CACNA1G: variants seen among roughly 807,000 people sequenced by gnomAD.
CACNA1G encodes the protein calcium voltage-gated channel subunit alpha1 G.
A neutral mutation model predicts 219.4 loss-of-function variants in CACNA1G; 67 were observed. The ratio of observed to expected loss-of-function variants is 0.31; its 90% CI spans 0.25 to 0.37. The LOEUF is 0.37. Among genes scored for constraint, CACNA1G ranks in the 10% least tolerant of loss-of-function variants. The probability of loss-of-function intolerance (pLI) is 1.00; values close to 1 mark genes in which losing one functional copy is unlikely to be tolerated. For missense variants in CACNA1G, 2,380 were observed against 3,231.4 expected (o/e 0.74, Z 6.39); for synonymous variants, 1,296 against 1,345.3 (o/e 0.96, Z 0.80).
chr17:50,623,344 T>G (rs1413347391), intron 35 of CACNA1G, among the ~76,000 whole-genome samples: 1 of 132,622 alleles, frequency 7.5e-6, no homozygotes, highest in African/African-American at 2.9e-5. Flanking sequence ...ACTCCTGAGC[T>G]CAAGCGATCT....
At chr17:50,602,933 G>C (rs2047060534) in intron 20 of CACNA1G, 45 bp downstream of exon 20, 1 of 1,612,760 alleles carries the variant, frequency 6.2e-7, no homozygotes, top group Admixed American at 1.7e-5. Context: ...TTCCTGGTGG[G>C]GGTGGAGACA....
At position 50,624,452 on chromosome 17, in the gene CACNA1G, G is replaced by A. The variant is rs8066269; in HGVS notation, c.6322G>A (p.Ala2108Thr). ...ACCTCATCTGCTCCAGCCCCACAGCGCCCCAACCTGGGGCACCATCCCCAA... is the reference window on the plus strand; with the variant it reads ...ACCTCATCTGCTCCAGCCCCACAGCACCCCAACCTGGGGCACCATCCCCAA... ...DAPHLLQPHS[A>T]PTWGTIPKLP... is the part of the protein sequence containing the mutation. Residue 2108 changes from alanine (A) to threonine (T), a missense_variant, in exon 37 of 38, where the codon GCC (alanine) becomes ACC (threonine). Around this residue, in one of 17 missense-constraint regions of CACNA1G, gnomAD observed 672 missense variants for 670.5 expected, o/e 1.00. Transcript: ENST00000359106. The A allele has an allele frequency of 2.3e-5, 36 of 1,599,470 alleles. No individual in the cohort carries two copies. The East Asian group carries it at 4.3e-4, about 19-fold the overall frequency.
At chr17:50,591,068 C>T (rs917464395) in intron 10 of CACNA1G, among the ~76,000 whole-genome samples, 3 of 152,206 alleles carry the variant, frequency 2.0e-5, no homozygotes, top group Non-Finnish European at 4.4e-5. Flanking sequence ...GTGCTCCGTC[C>T]CCGCAAGGCC....
intron 26 of CACNA1G, among the ~76,000 whole-genome samples, chr17:50,613,312 A>T (rs1303079671): frequency 6.6e-6 from 1 of 152,234 alleles, no homozygotes; most frequent in Non-Finnish European, 1.5e-5. Context: ...TGGCAGCCTC[A>T]GCACCTGCCG....
intron 37 of CACNA1G, among the ~76,000 whole-genome samples, chr17:50,625,415 C>T (rs117822315): frequency 0.02 from 2,983 of 152,288 alleles, 43 homozygotes; most frequent in Middle Eastern, 0.031. Context: ...CAGGCACTGG[C>T]GACACAGCCC....
chr17:50,599,347 G>A (rs559117036), intron 16 of CACNA1G, 81 bp from the exon 17 acceptor site: 2 of 1,270,070 alleles, frequency 1.6e-6, no homozygotes, highest in South Asian at 1.5e-5. Flanking sequence ...TGCCAGTGAG[G>A]CTCCCAGGAG....
At chr17:50,614,702 G>GTT (rs2050052164) in intron 26 of CACNA1G, among the ~76,000 whole-genome samples, 1 of 152,252 alleles carries the variant, frequency 6.6e-6, no homozygotes. Flanking sequence ...AACTGGGTGA[G>GTT]TCCAACAGGT....
chr17:50,624,342 G>GGCC lies in CACNA1G; in HGVS notation c.6230-18_6230-17insGCC. The GGCC allele has an allele frequency of 1.0e-5, 7 of 692,916 alleles. No homozygotes were observed. Among genetic ancestry groups the GGCC allele is most frequent in the Non-Finnish European group, 1.4e-5 (7 of 491,372 alleles). 42.9% of individuals were successfully genotyped at this position (692,916 alleles called of 1,614,324 possible). A position where few individuals can be genotyped will look rare whatever the true frequency, so the allele number is the denominator to read the frequency against. ...CATTCTCTCCCCCCACCCCTCCCCC[G>GGCC]CTTCCCTCCCTCCACAGGCTCCGTC... On this transcript the variant is annotated splice_polypyrimidine_tract_variant and intron_variant, in intron 36 of 37. Coordinates refer to ENST00000359106, the MANE Select transcript of CACNA1G (RefSeq NM_018896.5).
At chr17:50,565,323 C>T (rs1317247931) in intron 1 of CACNA1G, among the ~76,000 whole-genome samples, 1 of 149,914 alleles carries the variant, frequency 6.7e-6, no homozygotes, top group African/African-American at 2.5e-5. Flanking sequence ...CTCTCTCCCC[C>T]TACACCCACG....
At chr17:50,591,410 C>T (rs1054456342) in intron 10 of CACNA1G, 25 bp from the exon 11 acceptor site, 1 of 1,513,950 alleles carries the variant, frequency 6.6e-7, no homozygotes, top group Non-Finnish European at 8.8e-7. Flanking sequence ...GTGCAGGGGG[C>T]TCAGGCTGCC....
At chr17:50,595,421 C>T (rs539433088) in intron 14 of CACNA1G, among the ~76,000 whole-genome samples, 3 of 152,354 alleles carry the variant, frequency 2.0e-5, no homozygotes, top group Non-Finnish European at 2.9e-5. Context: ...CCCAGACGTC[C>T]GGCTTCAGTG....
chr17:50,618,515 G>T lies in CACNA1G; in HGVS notation c.5428-140G>T. On this transcript the variant is annotated intron_variant, in intron 32 of 37. Coordinates refer to ENST00000359106, the MANE Select transcript of CACNA1G (RefSeq NM_018896.5). The surrounding 1 kb of genome is among the most constrained non-coding windows in gnomAD (Gnocchi z 5.3). ...ACATGCTCTGACTCACACTTGTAGT[G>T]CTCCTCTGCCCCCAAACACTCCCTC... 9.5e-7 allele frequency: 1 copy of T among 1,057,372 alleles called. No individual in the cohort carries two copies. Among genetic ancestry groups the T allele is most frequent in the South Asian group, 1.5e-5 (1 of 68,096 alleles). The allele number at this position is 1,057,372 out of a possible 1,614,324, so 65.5% of individuals were successfully genotyped here. A position where few individuals can be genotyped will look rare whatever the true frequency, so the allele number is the denominator to read the frequency against.
At chr17:50,583,956 A>C (rs2042497142) in intron 9 of CACNA1G, among the ~76,000 whole-genome samples, 1 of 152,136 alleles carries the variant, frequency 6.6e-6, no homozygotes, top group Non-Finnish European at 1.5e-5. Flanking sequence ...GGTTGTGGGT[A>C]GGACGCAATT....
At chr17:50,595,664 G>A (rs980652766) in intron 14 of CACNA1G, among the ~76,000 whole-genome samples, 1 of 152,266 alleles carries the variant, frequency 6.6e-6, no homozygotes, top group African/African-American at 2.4e-5. Flanking sequence ...CTGGCTCCCG[G>A]TCTGGCCCCA....
chr17:50,599,791 C>A lies in CACNA1G; in HGVS notation c.3622C>A (p.Leu1208Met), dbSNP rs769151094. Residue 1208 changes from leucine to methionine, a missense_variant, in exon 17 of 38, where the codon CTG (leucine) becomes ATG (methionine). Physicochemically the swap from Leu to Met is conservative, Grantham distance 15. This residue lies in a region of CACNA1G where 418 missense variants were observed against 434.3 expected (regional missense o/e 0.96). Transcript: ENST00000359106. ...CAATGGCAAGTCGGCTTCAGGGCGC[C>A]TGGCCCGGGCCCTGCGGCCTGATGA... ...DCNGKSASGR[L>M]ARALRPDDPP... The A allele has an allele frequency of 6.2e-7, 1 of 1,613,018 alleles. No homozygotes were observed. Among genetic ancestry groups the A allele is most frequent in the Non-Finnish European group, 8.5e-7 (1 of 1,179,866 alleles).
chr17:50,618,274 G>A lies in CACNA1G; in HGVS notation c.5358G>A (p.Arg1786=), dbSNP rs373329040. Residue 1786 remains arginine, a synonymous_variant, in exon 32 of 38, where the codon CGG becomes CGA. Transcript: ENST00000359106. This position sits in a 1 kb window ranked among gnomAD's most constrained non-coding sequence, Gnocchi z 5.3. The stretch of plus-strand genomic sequence containing the variant: ...GCCTGGGCCGTCATGCCACCTTTCG[G>A]AACTTTGGCATGGCCTTCCTAACCC... ...CEGLGRHATF[R]NFGMAFLTLF... is the part of the protein sequence containing the mutation. 147 of 1,613,690 alleles carry A rather than the reference G, an allele frequency of 9.1e-5. No homozygotes were observed. Among genetic ancestry groups the A allele is most frequent in the Non-Finnish European group, 1.2e-4 (141 of 1,179,838 alleles).
rs201875227 is a variant in CACNA1G, at chr17:50,572,702, G to A, written c.895G>A (p.Gly299Ser). The A allele has an allele frequency of 1.9e-3, 3,005 of 1,613,564 alleles. 7 individuals are homozygous for A. Among genetic ancestry groups the A allele is most frequent in the South Asian group, 2.1e-3 (191 of 91,018 alleles). The change falls in exon 6 of 38, where the codon GGT becomes AGT. Residue 299 changes from glycine (G) to serine (S), a missense_variant. Around this residue, in one of 17 missense-constraint regions of CACNA1G, gnomAD observed 68 missense variants for 85.3 expected, o/e 0.80. Coordinates refer to ENST00000359106, the MANE Select transcript of CACNA1G (RefSeq NM_018896.5). Reference sequence around the variant, plus strand: ...GGACGGGGGCGGTGGCCCACCTTGCGGTCTGGACTATGAGGCCTACAACAG... The same window carrying A: ...GGACGGGGGCGGTGGCCCACCTTGCAGTCTGGACTATGAGGCCTACAACAG... ...RGDGGGGPPC[G>S]LDYEAYNSSS...
Position 50,626,265 on chromosome 17 carries a change from G to A in CACNA1G, c.6648G>A (p.Glu2216=). Residue 2216 remains glutamate (E), a synonymous_variant, in exon 38 of 38, where the codon GAG becomes GAA. Transcript: ENST00000359106. This position sits in a 1 kb window ranked among gnomAD's most constrained non-coding sequence, Gnocchi z 4.3. The part of the protein sequence containing the change: ...KGPPETRSSL[E]LDTELSWISG... The stretch of plus-strand genomic sequence containing the variant: ...CTCCAGAGACCAGAAGCAGCTTAGA[G>A]TTGGACACGGAGCTGAGCTGGATTT... 6.2e-7 allele frequency: 1 copy of A among 1,613,638 alleles called. No homozygotes were observed. Among genetic ancestry groups the A allele is most frequent in the Non-Finnish European group, 8.5e-7 (1 of 1,179,808 alleles).
chr17:50,595,719 C>T (rs1044381531), intron 14 of CACNA1G, among the ~76,000 whole-genome samples: 2 of 152,250 alleles, frequency 1.3e-5, no homozygotes, highest in African/African-American at 2.4e-5. Flanking sequence ...CACCAGAATT[C>T]GGGGCGAAGC....
Sources: gnomAD v4.1 joint callset for allele counts (sites outside exome capture counted in the v4.1 genomes callset) on GRCh38, gnomAD v4.1.1 for gene constraint, gnomAD v4.1.1 regional missense constraint, Gnocchi (gnomAD v3.1) non-coding constraint, MANE v1.5 for transcripts, NCBI Gene and HGNC (gene_info 2026-07-23, HGNC 2026-07-21) for gene names.